The following PREX1 variants were observed in gnomAD, a reference collection of about 807,000 sequenced individuals.
PREX1 encodes phosphatidylinositol 3,4,5-trisphosphate-dependent Rac exchanger 1 protein.
A neutral mutation model predicts 198.3 loss-of-function variants in PREX1; 41 were observed. The observed-to-expected ratio is 0.21, with a 90% CI of 0.16 to 0.27. The LOEUF is 0.27. PREX1 is among the 10% of genes least tolerant of loss of function. The probability of loss-of-function intolerance (pLI) is 1.00; values close to 1 mark genes in which losing one functional copy is unlikely to be tolerated. For missense variants in PREX1, 1,620 were observed against 2,200.7 expected (o/e 0.74, Z 5.28); for synonymous variants, 843 against 887.2 (o/e 0.95, Z 0.89).
At chr20:48,818,572 C>T (rs2090468952) in intron 1 of PREX1, among the ~76,000 whole-genome samples, 1 of 152,218 alleles carries the variant, frequency 6.6e-6, no homozygotes, top group South Asian at 2.1e-4. Context: ...TGGCCATTCC[C>T]GGCTGCGCGT....
At position 48,696,229 on chromosome 20, in the gene PREX1, C is replaced by T. The variant is rs186936577; in HGVS notation, c.918-3439G>A. On this transcript the variant is annotated intron_variant, in intron 7 of 39. Coordinates refer to ENST00000371941, the MANE Select transcript of PREX1 (RefSeq NM_020820.4). ...TTCTTGTAGAAGTGTTATTGTTCTACCGTTTACATTTAAATCTATAATCCA... is the reference window on the plus strand; with the variant it reads ...TTCTTGTAGAAGTGTTATTGTTCTATCGTTTACATTTAAATCTATAATCCA... Among the ~76,000 whole-genome samples, 187 of 152,276 alleles carry T rather than the reference C, an allele frequency of 1.2e-3. 1 individual carries two copies. The highest frequency in any genetic ancestry group is 3.8e-3 in the African/African-American group (157 of 41,550).
chr20:48,700,726 C>A (rs749646686), intron 7 of PREX1, 27 bp downstream of exon 7: 113 of 1,611,628 alleles, frequency 7.0e-5, no homozygotes, highest in Middle Eastern at 2.2e-4. Context: ...GCAGGCCAGA[C>A]CCCATCCCAG....
At chr20:48,877,716 AC>A in the PREX1 span, among the ~76,000 whole-genome samples, 2 of 152,234 alleles carry the variant, frequency 1.3e-5, no homozygotes, top group African/African-American at 4.8e-5. Flanking sequence ...CAATAGAGCA[AC>A]TAGAGTGATC....
intron 1 of PREX1, among the ~76,000 whole-genome samples, chr20:48,795,677 G>A (rs376575007): frequency 2.0e-5 from 3 of 151,870 alleles, no homozygotes; most frequent in African/African-American, 4.8e-5. Flanking sequence ...CAGCAGAATC[G>A]CCCTGCAAAA....
intron 30 of PREX1, among the ~76,000 whole-genome samples, chr20:48,638,320 A>G (rs1460751565): frequency 6.6e-6 from 1 of 152,112 alleles, no homozygotes; most frequent in Non-Finnish European, 1.5e-5. Flanking sequence ...ACACAGACAC[A>G]CAACAGACAC....
intron 3 of PREX1, among the ~76,000 whole-genome samples, chr20:48,736,661 G>A (rs1177431452): frequency 2.6e-5 from 4 of 152,224 alleles, no homozygotes; most frequent in Non-Finnish European, 2.9e-5. Context: ...CCTTGTGAGT[G>A]GGGGCTGCTG....
At position 48,820,747 on chromosome 20, in the gene PREX1, G is replaced by C. The variant is rs1221851632; in HGVS notation, c.219+6895C>G. On this transcript the variant is annotated intron_variant, in intron 1 of 39. Coordinates refer to ENST00000371941, the MANE Select transcript of PREX1 (RefSeq NM_020820.4). ...TCCTACTGGCATCTGGTAGGTAGAG[G>C]CCAGCGATGCTGCTAAACATCTTAC... Among the ~76,000 whole-genome samples the C allele has an allele frequency of 3.3e-5, 5 of 152,140 alleles. No individual in the cohort carries two copies. The East Asian group carries it at 9.6e-4, about 29-fold the overall frequency.
rs908127220 is a variant in PREX1, at chr20:48,659,854, G to A, written c.1881+65C>T. The A allele has an allele frequency of 8.7e-5, 139 of 1,604,706 alleles. No homozygotes were observed. The Middle Eastern group carries it at 1.7e-3, about 19-fold the overall frequency. On this transcript the variant is annotated intron_variant, in intron 16 of 39. Coordinates refer to ENST00000371941, the MANE Select transcript of PREX1 (RefSeq NM_020820.4). ...CTTCCCTGTGCATAACCAGAAGGTC[G>A]CCCAGCTCCCATGCCTGCAGGGGGC...
At position 48,657,223 on chromosome 20, in the gene PREX1, C is replaced by T. The variant is rs375523248; in HGVS notation, c.1975-35G>A. On this transcript the variant is annotated intron_variant, in intron 17 of 39. Transcript: ENST00000371941. Reference sequence around the variant, plus strand: ...GACGGCAGAGGACAGACGTGCACACCAGTTACTAAGCTCCTTCCCTCCTCA... The same window carrying T: ...GACGGCAGAGGACAGACGTGCACACTAGTTACTAAGCTCCTTCCCTCCTCA... The T allele has an allele frequency of 7.6e-5, 122 of 1,607,460 alleles. 3 individuals carry two copies. The highest frequency in any genetic ancestry group is 1.6e-4 in the Middle Eastern group (1 of 6,064).
chr20:48,661,394 G>A (rs1601055041), intron 15 of PREX1, among the ~76,000 whole-genome samples: 2 of 92,208 alleles, frequency 2.2e-5, no homozygotes, highest in African/African-American at 9.2e-5. Flanking sequence ...ACTCCAGCAT[G>A]GGCAACAAGA....
At chr20:48,846,504 C>T in the PREX1 span, among the ~76,000 whole-genome samples, 1 of 152,138 alleles carries the variant, frequency 6.6e-6, no homozygotes, top group African/African-American at 2.4e-5. Context: ...CACACAACCA[C>T]TCCCCTTGAA....
chr20:48,691,303 C>A lies in PREX1; in HGVS notation c.1037-207G>T, dbSNP rs571207304. Reference sequence around the variant, plus strand: ...TTCTGCAAACAAAGACCCCTCTCAACCACTCAATGACAGGGGGCTTCATTT... The same window carrying A: ...TTCTGCAAACAAAGACCCCTCTCAAACACTCAATGACAGGGGGCTTCATTT... On this transcript the variant is annotated intron_variant, in intron 8 of 39. Transcript: ENST00000371941. This position sits in a 1 kb window ranked among gnomAD's most constrained non-coding sequence, Gnocchi z 5.0. Among the ~76,000 whole-genome samples the A allele has an allele frequency of 5.5e-4, 84 of 152,340 alleles. No homozygotes were observed. Among genetic ancestry groups the A allele is most frequent in the Middle Eastern group, 3.4e-3 (1 of 294 alleles).
chr20:48,699,808 T>C (rs982454518), intron 7 of PREX1, among the ~76,000 whole-genome samples: 5 of 152,206 alleles, frequency 3.3e-5, no homozygotes, highest in African/African-American at 9.6e-5. Context: ...CCAGTCTTCA[T>C]ATCCATTTCT....
At position 48,722,161 on chromosome 20, in the gene PREX1, C is replaced by T. The variant is rs532884667; in HGVS notation, c.621+4129G>A. On this transcript the variant is annotated intron_variant, in intron 5 of 39. Coordinates refer to ENST00000371941, the MANE Select transcript of PREX1 (RefSeq NM_020820.4). ...GTCCACACAAATCCTGTACATGGAC[C>T]TTCAGAGCAACATGACTCACAATAG... 4.5e-4 allele frequency among the ~76,000 whole-genome samples: 68 copies of T among 152,278 alleles called. No homozygotes were observed. The South Asian group carries it at 0.012, about 28-fold the overall frequency.
Position 48,827,866 on chromosome 20 carries a change from C to A in PREX1, c.-6G>T. Reference sequence around the variant, plus strand: ...CTGCCGCTGGGCGCCTCCATTCTAGCGCGGCCGCGCGGCGCCGGCTCCTTC... The same window carrying A: ...CTGCCGCTGGGCGCCTCCATTCTAGAGCGGCCGCGCGGCGCCGGCTCCTTC... On this transcript the variant is annotated 5_prime_UTR_variant, in exon 1 of 40. Transcript: ENST00000371941. The surrounding 1 kb of genome is among the most constrained non-coding windows in gnomAD (Gnocchi z 4.1). 2 of 979,742 alleles carry A rather than the reference C, an allele frequency of 2.0e-6. No individual in the cohort carries two copies. Among genetic ancestry groups the A allele is most frequent in the Non-Finnish European group, 2.4e-6 (2 of 826,982 alleles). The allele number at this position is 979,742 out of a possible 1,614,324, so 60.7% of individuals were successfully genotyped here. A position where few individuals can be genotyped will look rare whatever the true frequency, so the allele number is the denominator to read the frequency against.
rs936186644 is a variant in PREX1, at chr20:48,680,177, C to G, written c.1436-423G>C. ...ATTGCTGAGATTTACGGAGCCATCT[C>G]TATCCCACAAAGTCATGCTTGATGC... On this transcript the variant is annotated intron_variant, in intron 11 of 39. Transcript: ENST00000371941. Among the ~76,000 whole-genome samples, 7 of 152,204 alleles carry G rather than the reference C, an allele frequency of 4.6e-5. 1 individual carries two copies. The highest frequency in any genetic ancestry group is 1.7e-4 in the African/African-American group (7 of 41,442).
chr20:48,761,524 A>C (rs1020474687), intron 1 of PREX1, among the ~76,000 whole-genome samples: 9 of 100,416 alleles, frequency 9.0e-5, no homozygotes, highest in Admixed American at 2.4e-4. Flanking sequence ...TTCTCACCCC[A>C]CCCCGCCCCG....
At chr20:48,885,401 A>T in the PREX1 span, among the ~76,000 whole-genome samples, 1 of 152,206 alleles carries the variant, frequency 6.6e-6, no homozygotes, top group East Asian at 1.9e-4. Context: ...AGATGACAAC[A>T]CCAAATGCTG....
In PREX1 at chr20:48,745,012, G is replaced by C; in HGVS notation, c.414+13C>G. On this transcript the variant is annotated intron_variant, in intron 3 of 39. Transcript: ENST00000371941. ...AAACTAGAGTCCACCAGGGGCAGTG[G>C]CATGGTACTCACGAATTTTAAGAAA... The C allele has an allele frequency of 6.2e-7, 1 of 1,613,512 alleles. No homozygotes were observed. The highest frequency in any genetic ancestry group is 1.7e-5 in the Admixed American group (1 of 60,000).
Sources: gnomAD v4.1 joint callset for allele counts (sites outside exome capture counted in the v4.1 genomes callset) on GRCh38, gnomAD v4.1.1 for gene constraint, Gnocchi (gnomAD v3.1) non-coding constraint, MANE v1.5 for transcripts, NCBI Gene and HGNC (gene_info 2026-07-23, HGNC 2026-07-21) for gene names.